Variants in ANKRD13B observed in about 807,000 individuals in gnomAD.
ANKRD13B encodes ankyrin repeat domain-containing protein 13B.
A neutral mutation model predicts 74.4 loss-of-function variants in ANKRD13B; 33 were observed. The observed-to-expected ratio is 0.44, with a 90% confidence interval of 0.34 to 0.59. ANKRD13B has a LOEUF of 0.59. Ranked by LOEUF, ANKRD13B falls within the 20% of genes least tolerant of loss-of-function variation. The pLI, the probability that ANKRD13B is intolerant of heterozygous loss-of-function variation, is 0.02. For synonymous variants in ANKRD13B, 341 were observed against 362.9 expected (o/e 0.94, Z 0.68); for missense variants, 676 against 877.9 (o/e 0.77, Z 2.91).
chr17:29,598,720 G>A (rs1325142178), intron 1 of ANKRD13B, among the ~76,000 whole-genome samples: 1 of 151,910 alleles, frequency 6.6e-6, no homozygotes, highest in Non-Finnish European at 1.5e-5. Context: ...GCTAATTTTT[G>A]TATTTTTTTT....
chr17:29,596,729 C>T (rs927018415), intron 1 of ANKRD13B, among the ~76,000 whole-genome samples: 2 of 152,210 alleles, frequency 1.3e-5, no homozygotes, highest in Non-Finnish European at 2.9e-5. Context: ...GGTTGTGGGG[C>T]CCAGGATGTG....
rs1343454716 is a variant in ANKRD13B, at chr17:29,613,616, G to GCGCCACGCC, written c.*36_*44dup. The GCGCCACGCC allele has an allele frequency of 7.9e-6, 11 of 1,395,772 alleles. No homozygotes were observed. The highest frequency in any genetic ancestry group is 1.0e-5 in the Non-Finnish European group (11 of 1,075,040). 86.5% of individuals were successfully genotyped at this position (1,395,772 alleles called of 1,614,324 possible). Reference sequence around the variant, plus strand: ...GCCGGGACCCTCGCCAGCGCCACGCGCGCCACGCCCAGGGCCAGGAGCCAG... The same window carrying GCGCCACGCC: ...GCCGGGACCCTCGCCAGCGCCACGCGCGCCACGCCCGCCACGCCCAGGGCCAGGAGCCAG... On this transcript the variant is annotated 3_prime_UTR_variant, in exon 15 of 15. Transcript: ENST00000394859.
At position 29,610,762 on chromosome 17, in the gene ANKRD13B, C is replaced by A. The variant is rs570041164; in HGVS notation, c.900C>A (p.Val300=). 7 of 1,613,804 alleles carry A rather than the reference C, an allele frequency of 4.3e-6. No homozygotes were observed. In the South Asian group the frequency reaches 6.6e-5, roughly 15 times the overall value. ...EHLSEQHKGK[V]KGCKTPLQSF... ...TTTCAGAACAGCACAAGGGCAAGGT[C>A]AAAGGTAATGAGGCAGAGCTGGATG... Residue 300 remains valine, a synonymous_variant, in exon 8 of 15, where the codon GTC becomes GTA. Transcript: ENST00000394859.
rs770995646 is a variant in ANKRD13B, at chr17:29,612,041, C to T, written c.1100+35C>T. The T allele has an allele frequency of 2.5e-5, 40 of 1,608,340 alleles. No individual in the cohort carries two copies. Among genetic ancestry groups the T allele is most frequent in the Middle Eastern group, 1.7e-4 (1 of 6,036 alleles). ...CTGCCGGTGCTGGGAAGGTGGGGGGCCGGGGCTCCAGGAGATGCTGGGAGG... is the reference window on the plus strand; with the variant it reads ...CTGCCGGTGCTGGGAAGGTGGGGGGTCGGGGCTCCAGGAGATGCTGGGAGG... On this transcript the variant is annotated intron_variant, in intron 10 of 14. Coordinates refer to ENST00000394859, the MANE Select transcript of ANKRD13B (RefSeq NM_152345.5). This position sits in a 1 kb window ranked among gnomAD's most constrained non-coding sequence, Gnocchi z 6.1.
At chr17:29,613,057 G>A in intron 14 of ANKRD13B, 94 bp downstream of exon 14, 2 of 1,480,056 alleles carry the variant, frequency 1.4e-6, no homozygotes, top group Non-Finnish European at 1.8e-6. Context: ...GCCCTCGGCA[G>A]GGACCCTCCT....
intron 1 of ANKRD13B, among the ~76,000 whole-genome samples, chr17:29,600,520 T>TC (rs1261399613): frequency 1.1e-4 from 17 of 152,250 alleles, no homozygotes; most frequent in African/African-American, 3.6e-4. Context: ...TGGCCAATGC[T>TC]CCTGAGTCCA....
chr17:29,613,124 G>A, intron 14 of ANKRD13B, 161 bp downstream of exon 14: 1 of 1,191,378 alleles, frequency 8.4e-7, no homozygotes, highest in Non-Finnish European at 1.2e-6. Flanking sequence ...GCAGGGGTCA[G>A]GGATCCAGGC....
Position 29,612,390 on chromosome 17 carries a change from C to T in ANKRD13B, c.1259-12C>T. The T allele has an allele frequency of 6.2e-7, 1 of 1,612,834 alleles. No individual in the cohort carries two copies. Among genetic ancestry groups the T allele is most frequent in the Non-Finnish European group, 8.5e-7 (1 of 1,179,484 alleles). On this transcript the variant is annotated splice_polypyrimidine_tract_variant and intron_variant, in intron 11 of 14. Coordinates refer to ENST00000394859, the MANE Select transcript of ANKRD13B (RefSeq NM_152345.5). The surrounding 1 kb of genome is among the most constrained non-coding windows in gnomAD (Gnocchi z 6.1). ...GCTGAGTGGTGGCGCCTAAAGGTTTCCTCATCCTCAGAAATCCCGATCTTC... is the reference window on the plus strand; with the variant it reads ...GCTGAGTGGTGGCGCCTAAAGGTTTTCTCATCCTCAGAAATCCCGATCTTC...
At chr17:29,602,670 A>T (rs1355664212) in intron 1 of ANKRD13B, among the ~76,000 whole-genome samples, 2 of 152,150 alleles carry the variant, frequency 1.3e-5, no homozygotes, top group Non-Finnish European at 2.9e-5. Flanking sequence ...GGATTATTTC[A>T]TCTTGAGATC....
chr17:29,613,692 C>A lies in ANKRD13B; in HGVS notation c.*110C>A. ...GAGCGGCGGCTGGAGACTGGAGCCA[C>A]CGCCTCGCGGGTGCAGCAGCACAGC... On this transcript the variant is annotated 3_prime_UTR_variant, in exon 15 of 15. Transcript: ENST00000394859. 7.3e-7 allele frequency: 1 copy of A among 1,364,766 alleles called. No homozygotes were observed. The highest frequency in any genetic ancestry group is 9.4e-7 in the Non-Finnish European group (1 of 1,061,424). 84.5% of individuals were successfully genotyped at this position (1,364,766 alleles called of 1,614,324 possible). A position where few individuals can be genotyped will look rare whatever the true frequency, so the allele number is the denominator to read the frequency against.
At chr17:29,606,965 G>A (rs972167427) in intron 1 of ANKRD13B, among the ~76,000 whole-genome samples, 3 of 151,832 alleles carry the variant, frequency 2.0e-5, no homozygotes, top group East Asian at 1.9e-4. Flanking sequence ...CAGGAGAATC[G>A]CTTGAACCTG....
Position 29,608,163 on chromosome 17 carries a change from C to T in ANKRD13B, c.376-32C>T. 6.2e-7 allele frequency: 1 copy of T among 1,614,172 alleles called. No homozygotes were observed. The highest frequency in any genetic ancestry group is 8.5e-7 in the Non-Finnish European group (1 of 1,180,002). Reference sequence around the variant, plus strand: ...GGAGCCCTTGAGCCCTTCTCCAGTGCAGACTTAGCCTCTCTCCCCTTCGTC... The same window carrying T: ...GGAGCCCTTGAGCCCTTCTCCAGTGTAGACTTAGCCTCTCTCCCCTTCGTC... On this transcript the variant is annotated intron_variant, in intron 3 of 14. Coordinates refer to ENST00000394859, the MANE Select transcript of ANKRD13B (RefSeq NM_152345.5). The surrounding 1 kb of genome is among the most constrained non-coding windows in gnomAD (Gnocchi z 6.4).
At chr17:29,597,649 G>A (rs2034000364) in intron 1 of ANKRD13B, among the ~76,000 whole-genome samples, 1 of 152,140 alleles carries the variant, frequency 6.6e-6, no homozygotes. Flanking sequence ...GAAGCTGGAG[G>A]CCTCTGCTGA....
Position 29,609,068 on chromosome 17 carries a change from C to A in ANKRD13B, c.566-18C>A. The A allele has an allele frequency of 6.2e-7, 1 of 1,611,424 alleles. No homozygotes were observed. Among genetic ancestry groups the A allele is most frequent in the African/African-American group, 1.3e-5 (1 of 75,048 alleles). On this transcript the variant is annotated intron_variant, in intron 5 of 14. Coordinates refer to ENST00000394859, the MANE Select transcript of ANKRD13B (RefSeq NM_152345.5). The surrounding 1 kb of genome is among the most constrained non-coding windows in gnomAD (Gnocchi z 4.0). ...CCAGGCCACCCCTGATCCCCCTGTGCTGTTCCGTGTCTGGCAGACACAAGC... is the reference window on the plus strand; with the variant it reads ...CCAGGCCACCCCTGATCCCCCTGTGATGTTCCGTGTCTGGCAGACACAAGC...
In ANKRD13B at chr17:29,593,476, C is replaced by A; in HGVS notation, c.-146C>A. 1 of 184,844 alleles carries A rather than the reference C, an allele frequency of 5.4e-6. No individual in the cohort carries two copies. Among genetic ancestry groups the A allele is most frequent in the South Asian group, 1.7e-4 (1 of 5,956 alleles). 11.5% of individuals were successfully genotyped at this position (184,844 alleles called of 1,614,324 possible). A position where few individuals can be genotyped will look rare whatever the true frequency, so the allele number is the denominator to read the frequency against. ...GCCCGCACCGCGCCGGGCGCGCCGC[C>A]CCCGCCCGCCGCCGCTCGCACATGC... On this transcript the variant is annotated 5_prime_UTR_variant, in exon 1 of 15. Transcript: ENST00000394859.
chr17:29,595,717 T>C (rs2033928462), intron 1 of ANKRD13B, among the ~76,000 whole-genome samples: 2 of 152,090 alleles, frequency 1.3e-5, no homozygotes, highest in Admixed American at 1.3e-4. Context: ...AAATGGACAC[T>C]GCCTGTCCTG....
At chr17:29,598,925 T>C (rs1323378115) in intron 1 of ANKRD13B, among the ~76,000 whole-genome samples, 2 of 152,228 alleles carry the variant, frequency 1.3e-5, no homozygotes, top group African/African-American at 4.8e-5. Flanking sequence ...ACTCTATGCA[T>C]TTGTCTAGCA....
intron 1 of ANKRD13B, among the ~76,000 whole-genome samples, chr17:29,603,338 C>T (rs2034249362): frequency 6.6e-6 from 1 of 151,788 alleles, no homozygotes; most frequent in Non-Finnish European, 1.5e-5. Context: ...AACTCCTGGG[C>T]TCAAGGGATC....
chr17:29,605,360 T>C (rs2034329289), intron 1 of ANKRD13B, among the ~76,000 whole-genome samples: 1 of 152,136 alleles, frequency 6.6e-6, no homozygotes, highest in Non-Finnish European at 1.5e-5. Context: ...TAAAAACAGC[T>C]ATTTCTCTTT....
Sources: gnomAD v4.1 joint callset for allele counts (sites outside exome capture counted in the v4.1 genomes callset) on GRCh38, gnomAD v4.1.1 for gene constraint, Gnocchi (gnomAD v3.1) non-coding constraint, MANE v1.5 for transcripts, NCBI Gene and HGNC (gene_info 2026-07-23, HGNC 2026-07-21) for gene names.